The following OPCML variants were observed in gnomAD, a reference collection of about 807,000 sequenced individuals.
OPCML encodes opioid-binding protein/cell adhesion molecule.
A neutral mutation model predicts 37.8 loss-of-function variants in OPCML; 13 were observed. That is an observed-to-expected ratio of 0.34 (90% CI 0.22 to 0.55). The LOEUF (loss-of-function observed/expected upper bound fraction) is 0.55. Among genes scored for constraint, OPCML ranks in the 20% least tolerant of loss-of-function variants. The probability of loss-of-function intolerance (pLI) is 0.91; values close to 1 mark genes in which losing one functional copy is unlikely to be tolerated. For synonymous variants in OPCML, 176 were observed against 168.8 expected (o/e 1.04, Z -0.33); for missense variants, 341 against 435.6 (o/e 0.78, Z 1.93).
At chr11:132,778,190 G>A (rs1435255542) in intron 2 of OPCML, among the ~76,000 whole-genome samples, 4 of 152,178 alleles carry the variant, frequency 2.6e-5, no homozygotes, top group Admixed American at 1.3e-4. Context: ...CAATAAGCTC[G>A]CCAAGTGTTC....
At chr11:132,895,822 G>T (rs1470187432) in intron 2 of OPCML, among the ~76,000 whole-genome samples, 1 of 152,060 alleles carries the variant, frequency 6.6e-6, no homozygotes. Flanking sequence ...GCCCCTCTTT[G>T]CTTCTGGACC....
chr11:132,465,442 C>A (rs1041236160), intron 4 of OPCML, among the ~76,000 whole-genome samples: 1 of 152,126 alleles, frequency 6.6e-6, no homozygotes, highest in Admixed American at 6.5e-5. Context: ...GAATTGATTT[C>A]TAGTGAAATC....
At chr11:132,581,411 T>C (rs2096461773) in intron 3 of OPCML, among the ~76,000 whole-genome samples, 1 of 152,218 alleles carries the variant, frequency 6.6e-6, no homozygotes, top group Non-Finnish European at 1.5e-5. Context: ...TGCTCTCCTA[T>C]GTTTTGGTTT....
At chr11:132,484,048 A>G (rs1013724408) in intron 4 of OPCML, among the ~76,000 whole-genome samples, 1 of 152,224 alleles carries the variant, frequency 6.6e-6, no homozygotes, top group African/African-American at 2.4e-5. Flanking sequence ...AATGGCAACA[A>G]AAGCCAAAAT....
intron 2 of OPCML, among the ~76,000 whole-genome samples, chr11:132,937,525 G>A (rs1320119841): frequency 1.3e-5 from 2 of 150,766 alleles, no homozygotes; most frequent in Admixed American, 6.6e-5. Context: ...TGTGTGGTGT[G>A]TGGTGTGTGT....
At chr11:133,012,865 CAT>C in intron 1 of OPCML, among the ~76,000 whole-genome samples, 1 of 115,900 alleles carries the variant, frequency 8.6e-6, no homozygotes, top group Admixed American at 1.1e-4. Flanking sequence ...AGTGAAACTC[CAT>C]CTCAAAAAAA....
intron 1 of OPCML, among the ~76,000 whole-genome samples, chr11:133,138,401 G>A (rs899207194): frequency 3.3e-5 from 5 of 152,100 alleles, no homozygotes; most frequent in Non-Finnish European, 1.5e-5. Flanking sequence ...TTCAATCAAG[G>A]TAACCATATG....
intron 1 of OPCML, among the ~76,000 whole-genome samples, chr11:133,288,595 G>A (rs1942368808): frequency 6.6e-6 from 1 of 152,134 alleles, no homozygotes; most frequent in Admixed American, 6.5e-5. Flanking sequence ...TCTCAAACTG[G>A]GCTTTGTATT....
intron 1 of OPCML, among the ~76,000 whole-genome samples, chr11:133,021,669 T>C (rs1947455794): frequency 5.7e-5 from 1 of 17,614 alleles, no homozygotes; most frequent in African/African-American, 8.3e-4. Context: ...ATTTCTAATC[T>C]TGTCCCAGCA....
intron 1 of OPCML, chr11:133,118,522 C>T: frequency 1.6e-6 from 1 of 634,546 alleles, no homozygotes; most frequent in Non-Finnish European, 2.0e-6. Context: ...TGCTCAGTAG[C>T]AAGACTCATG....
At chr11:132,732,664 T>C (rs1945118089) in intron 2 of OPCML, among the ~76,000 whole-genome samples, 1 of 151,698 alleles carries the variant, frequency 6.6e-6, no homozygotes, top group South Asian at 2.1e-4. Context: ...GGGAGAGAAA[T>C]CCAGAAAGGA....
At chr11:132,562,974 C>T (rs898259734) in intron 3 of OPCML, among the ~76,000 whole-genome samples, 2 of 144,274 alleles carry the variant, frequency 1.4e-5, no homozygotes, top group Non-Finnish European at 3.1e-5. Flanking sequence ...CATTAATAGG[C>T]AATGTTACTC....
At chr11:133,287,435 G>A (rs1218940911) in intron 1 of OPCML, among the ~76,000 whole-genome samples, 1 of 150,630 alleles carries the variant, frequency 6.6e-6, no homozygotes, top group Non-Finnish European at 1.5e-5. Flanking sequence ...GACATGCACA[G>A]GAACCAGATT....
intron 1 of OPCML, among the ~76,000 whole-genome samples, chr11:133,279,216 A>G (rs1942073512): frequency 6.6e-6 from 1 of 152,180 alleles, no homozygotes; most frequent in Admixed American, 6.5e-5. Context: ...TTTACATGTC[A>G]CCAATCTCCC....
chr11:132,658,066 A>G (rs1347343460), intron 2 of OPCML, among the ~76,000 whole-genome samples: 1 of 152,144 alleles, frequency 6.6e-6, no homozygotes, highest in Non-Finnish European at 1.5e-5. Context: ...GAACACAAAC[A>G]AGGCCTGTGT....
At chr11:133,198,352 C>A (rs372896769) in intron 1 of OPCML, among the ~76,000 whole-genome samples, 1 of 152,192 alleles carries the variant, frequency 6.6e-6, no homozygotes, top group Non-Finnish European at 1.5e-5. Flanking sequence ...AAAGGACATT[C>A]GATCATACAT....
intron 1 of OPCML, chr11:133,066,745 C>T (rs1397064431): frequency 1.3e-5 from 2 of 152,388 alleles, no homozygotes; most frequent in Admixed American, 6.5e-5. Flanking sequence ...GATGTGATCT[C>T]GGCTTACTGT....
At chr11:133,073,190 G>C (rs1432579174) in intron 1 of OPCML, among the ~76,000 whole-genome samples, 1 of 152,180 alleles carries the variant, frequency 6.6e-6, no homozygotes, top group Non-Finnish European at 1.5e-5. Flanking sequence ...AACGATCTCA[G>C]ACTCTGGTTA....
intron 3 of OPCML, among the ~76,000 whole-genome samples, chr11:132,637,846 C>A (rs1940604097): frequency 6.6e-6 from 1 of 151,894 alleles, no homozygotes; most frequent in African/African-American, 2.4e-5. Flanking sequence ...CAGAGCCAGG[C>A]TCTTCTGGGA....
Sources: allele counts gnomAD v4.1 joint callset (sites outside exome capture counted in the v4.1 genomes callset), GRCh38; gene constraint gnomAD v4.1.1; transcripts MANE v1.5; gene names NCBI Gene and HGNC (gene_info 2026-07-23, HGNC 2026-07-21).